RAB3GAP2: variants seen among roughly 807,000 people sequenced by gnomAD.
RAB3GAP2 encodes rab3 GTPase-activating protein non-catalytic subunit.
In RAB3GAP2, 87 loss-of-function variants were observed where a neutral mutation model predicts 185.3. That is an observed-to-expected ratio of 0.47 (90% CI 0.39 to 0.56). The LOEUF (loss-of-function observed/expected upper bound fraction) is 0.56. Among genes scored for constraint, RAB3GAP2 ranks in the 20% least tolerant of loss-of-function variants. The probability of loss-of-function intolerance (pLI) is 0.00; values close to 1 mark genes in which losing one functional copy is unlikely to be tolerated. For synonymous variants in RAB3GAP2, 554 were observed against 576.1 expected, an observed-to-expected ratio of 0.96 and a Z score of 0.55; for missense variants, 1,492 against 1,638.2, an observed-to-expected ratio of 0.91 and a Z score of 1.54.
At chr1:220,210,767 C>T (rs751770455) in intron 6 of RAB3GAP2, 34 bp downstream of exon 6, 124 of 1,583,920 alleles carry the variant, frequency 7.8e-5, no homozygotes, top group Non-Finnish European at 1.0e-4. Context: ...TTGCAGTCAA[C>T]TAGTGTTTTC....
chr1:220,204,180 C>A (rs577497469), intron 8 of RAB3GAP2, among the ~76,000 whole-genome samples: 35 of 152,170 alleles, frequency 2.3e-4, no homozygotes, highest in African/African-American at 8.2e-4. Flanking sequence ...ATATTGCAAT[C>A]AAAAATTTTT....
intron 2 of RAB3GAP2, among the ~76,000 whole-genome samples, chr1:220,220,085 G>A (rs1163333827): frequency 2.6e-5 from 4 of 152,136 alleles, no homozygotes; most frequent in African/African-American, 4.8e-5. Flanking sequence ...CCCAAGCCAC[G>A]CCTGAAATGT....
intron 27 of RAB3GAP2, among the ~76,000 whole-genome samples, chr1:220,164,259 T>G (rs772465416): frequency 6.6e-6 from 1 of 152,076 alleles, no homozygotes; most frequent in African/African-American, 2.4e-5. Context: ...AAGGGTGTAA[T>G]GAAGGCAGCT....
At chr1:220,234,790 GTTAAC>G (rs1277300521) in intron 1 of RAB3GAP2, among the ~76,000 whole-genome samples, 3 of 152,108 alleles carry the variant, frequency 2.0e-5, no homozygotes, top group African/African-American at 4.8e-5. Context: ...ACAATGAATA[GTTAAC>G]TTAAACTCAG....
chr1:220,237,879 A>C (rs1231441675), intron 1 of RAB3GAP2, among the ~76,000 whole-genome samples: 3 of 147,892 alleles, frequency 2.0e-5, no homozygotes, highest in East Asian at 1.9e-4. Flanking sequence ...AGCCATATTA[A>C]AAAGTAAAAA....
chr1:220,235,784 C>A (rs543387275), intron 1 of RAB3GAP2, among the ~76,000 whole-genome samples: 1 of 152,144 alleles, frequency 6.6e-6, no homozygotes, highest in Non-Finnish European at 1.5e-5. Flanking sequence ...GGATTTCCTA[C>A]CCCTGCAGAG....
rs1258050992 is a variant in RAB3GAP2 at position 220,148,366 on chromosome 1, A to G, written c.*2885T>C. ...ATGAACAGACAGAAAATAGCAGTATATACAGAATTTCACTACTTACAGTAC... is the reference window on the plus strand; with the variant it reads ...ATGAACAGACAGAAAATAGCAGTATGTACAGAATTTCACTACTTACAGTAC... On this transcript the variant is annotated 3_prime_UTR_variant, in exon 35 of 35. Transcript: ENST00000358951. 1.3e-5 allele frequency: 2 copies of G among 152,348 alleles called. No individual in the cohort carries two copies. The highest frequency in any genetic ancestry group is 2.9e-5 in the Non-Finnish European group (2 of 68,110). 9.4% of individuals were successfully genotyped at this position (152,348 alleles called of 1,614,324 possible).
intron 26 of RAB3GAP2, among the ~76,000 whole-genome samples, chr1:220,166,963 G>A (rs1249750213): frequency 1.3e-5 from 2 of 152,182 alleles, no homozygotes; most frequent in Non-Finnish European, 1.5e-5. Context: ...CTAGGGAGTA[G>A]AGCAAAGCAC....
At chr1:220,200,476 T>C in intron 9 of RAB3GAP2, 1 of 445,778 alleles carries the variant, frequency 2.2e-6, no homozygotes. Context: ...ACTCATTTAT[T>C]TGTTGAATAA....
chr1:220,249,977 C>G (rs764582026), intron 1 of RAB3GAP2, among the ~76,000 whole-genome samples: 9 of 152,190 alleles, frequency 5.9e-5, no homozygotes, highest in Non-Finnish European at 1.0e-4. Flanking sequence ...TAATGGAGAA[C>G]CTTTGCTAGG....
At chr1:220,183,921 T>G (rs1020350322) in intron 19 of RAB3GAP2, 115 bp downstream of exon 19, 14 of 879,202 alleles carry the variant, frequency 1.6e-5, no homozygotes, top group Non-Finnish European at 2.4e-5. Flanking sequence ...AAGGAAAATA[T>G]ACCTTTAAAG....
intron 7 of RAB3GAP2, among the ~76,000 whole-genome samples, chr1:220,206,667 A>G (rs1310801917): frequency 1.3e-5 from 2 of 152,134 alleles, no homozygotes; most frequent in African/African-American, 2.4e-5. Flanking sequence ...AAACTCTTCA[A>G]TGACTCTCTT....
intron 1 of RAB3GAP2, among the ~76,000 whole-genome samples, chr1:220,250,067 C>T (rs967727363): frequency 1.3e-5 from 2 of 152,146 alleles, no homozygotes; most frequent in African/African-American, 4.8e-5. Context: ...GAGAAGAGGG[C>T]CATTGTTCTC....
chr1:220,162,067 A>G, intron 28 of RAB3GAP2, 131 bp downstream of exon 28: 1 of 732,080 alleles, frequency 1.4e-6, no homozygotes. Flanking sequence ...ATTACATTTA[A>G]CTGAGTATGA....
At chr1:220,193,430 C>G in intron 12 of RAB3GAP2, 51 bp from the exon 13 acceptor site, 1 of 1,568,048 alleles carries the variant, frequency 6.4e-7, no homozygotes, top group Non-Finnish European at 8.7e-7. Flanking sequence ...AGTTCAGAAA[C>G]ATATAACAGA....
chr1:220,233,508 TAC>T (rs1424149081), intron 1 of RAB3GAP2, among the ~76,000 whole-genome samples: 3 of 152,352 alleles, frequency 2.0e-5, no homozygotes, highest in Admixed American at 6.5e-5. Context: ...GACTGGTTTT[TAC>T]ATAGTCATCT....
At chr1:220,151,521 C>A in intron 34 of RAB3GAP2, 85 bp downstream of exon 34, 1 of 1,589,348 alleles carries the variant, frequency 6.3e-7, no homozygotes, top group South Asian at 1.1e-5. Context: ...TTAAACTTGT[C>A]AAATTTTCTT....
rs555776472 is a variant in RAB3GAP2, at chr1:220,189,966, C to A, written c.1714+98G>T. 6.2e-6 allele frequency: 7 copies of A among 1,128,698 alleles called. No homozygotes were observed. The East Asian group carries it at 1.5e-4, about 24-fold the overall frequency. 69.9% of individuals were successfully genotyped at this position (1,128,698 alleles called of 1,614,324 possible). On this transcript the variant is annotated intron_variant, in intron 16 of 34. Coordinates refer to ENST00000358951, the MANE Select transcript of RAB3GAP2 (RefSeq NM_012414.4). ...CCTTACAGAGCAATTCCAATAAGCTCATCCATGCATTATTTTGATTGCTCC... is the reference window on the plus strand; with the variant it reads ...CCTTACAGAGCAATTCCAATAAGCTAATCCATGCATTATTTTGATTGCTCC...
chr1:220,254,383 G>C (rs549512522), intron 1 of RAB3GAP2: 1 of 1,613,064 alleles, frequency 6.2e-7, no homozygotes, highest in East Asian at 2.2e-5. Flanking sequence ...ACGAATTGGA[G>C]CAATGTTGGC....
Sources: allele counts gnomAD v4.1 joint callset (sites outside exome capture counted in the v4.1 genomes callset), GRCh38; gene constraint gnomAD v4.1.1; transcripts MANE v1.5; gene names NCBI Gene and HGNC (gene_info 2026-07-23, HGNC 2026-07-21).